Variants in MINDY2 observed in about 807,000 individuals in gnomAD.
MINDY2 encodes ubiquitin carboxyl-terminal hydrolase MINDY-2.
A neutral mutation model predicts 68.2 loss-of-function variants in MINDY2; 52 were observed. The ratio of observed to expected loss-of-function variants is 0.76; its 90% confidence interval spans 0.61 to 0.96. The LOEUF (loss-of-function observed/expected upper bound fraction) is 0.96, where lower values mean the gene tolerates loss of function less well. MINDY2 is among the 40% of genes least tolerant of loss of function. The pLI is 0.00. For synonymous variants in MINDY2, 372 were observed against 303.0 expected (o/e 1.23, Z -2.36); for missense variants, 881 against 773.4 (o/e 1.14, Z -1.65).
At chr15:58,781,337 C>T (rs1901129306) in intron 1 of MINDY2, among the ~76,000 whole-genome samples, 1 of 151,900 alleles carries the variant, frequency 6.6e-6, no homozygotes, top group East Asian at 2.0e-4. Flanking sequence ...CAGGCATGAG[C>T]CACCGCACCC....
chr15:58,838,264 G>A (rs1364472477), intron 6 of MINDY2, among the ~76,000 whole-genome samples: 1 of 151,934 alleles, frequency 6.6e-6, no homozygotes, highest in East Asian at 1.9e-4. Flanking sequence ...TGGGCATGGT[G>A]GTGTGTGCCC....
rs370944697 is a variant in MINDY2, at chr15:58,840,617, CTATT to C, written c.1369-6673_1369-6670del. Among the ~76,000 whole-genome samples, 4 of 145,594 alleles carry C rather than the reference CTATT, an allele frequency of 2.7e-5. No individual in the cohort carries two copies. In the East Asian group the frequency reaches 6.0e-4, roughly 22 times the overall value. ...CTTTGTGAAATACACATTGACCTCA[CTATT>C]TATTTACTTATTATTATTATTATTA... is the stretch of plus-strand genomic sequence containing the variant. On this transcript the variant is annotated intron_variant, in intron 6 of 8. Coordinates refer to ENST00000559228, the MANE Select transcript of MINDY2 (RefSeq NM_001040450.3).
At chr15:58,830,670 T>C (rs1328229380) in intron 5 of MINDY2, among the ~76,000 whole-genome samples, 2 of 152,206 alleles carry the variant, frequency 1.3e-5, no homozygotes, top group African/African-American at 4.8e-5. Flanking sequence ...TACTGAATGC[T>C]AGCCAGCACT....
intron 4 of MINDY2, among the ~76,000 whole-genome samples, chr15:58,812,386 G>A (rs1345682666): frequency 1.3e-5 from 2 of 150,344 alleles, no homozygotes; most frequent in African/African-American, 2.5e-5. Context: ...GCAGTGAGCC[G>A]AGATGGTGCC....
intron 1 of MINDY2, 112 bp from the exon 2 acceptor site, chr15:58,787,794 T>A: frequency 1.8e-6 from 1 of 553,198 alleles, no homozygotes; most frequent in Admixed American, 3.8e-5. Context: ...AATGTTAATG[T>A]ATAAGTATAG....
chr15:58,845,109 A>C (rs112108726), intron 6 of MINDY2, among the ~76,000 whole-genome samples: 4,445 of 152,052 alleles, frequency 0.029, 93 homozygotes, highest in Middle Eastern at 0.044. Flanking sequence ...TTCTCCAAAG[A>C]AGTCATGCAA....
rs752096657 is a variant in MINDY2, at chr15:58,771,415, G to T, written c.20G>T (p.Ser7Ile). 6.2e-7 allele frequency: 1 copy of T among 1,611,040 alleles called. No individual in the cohort carries two copies. The highest frequency in any genetic ancestry group is 8.5e-7 in the Non-Finnish European group (1 of 1,179,304). MESSPE[S>I]LQPLEHGVAA... ...CCCGGTATGGAGAGCAGCCCCGAGA[G>T]CCTGCAGCCGCTAGAACACGGGGTG... The change falls in exon 1 of 9, where the codon AGC becomes ATC. Residue 7 changes from serine (S) to isoleucine (I), a missense_variant. Transcript: ENST00000559228.
At chr15:58,830,009 T>C (rs1379449295) in intron 5 of MINDY2, among the ~76,000 whole-genome samples, 1 of 152,244 alleles carries the variant, frequency 6.6e-6, no homozygotes, top group South Asian at 2.1e-4. Context: ...AGATCACTTA[T>C]GAAACTTTTT....
At position 58,786,860 on chromosome 15, in the gene MINDY2, A is replaced by G. The variant is rs144441185; in HGVS notation, c.841-1046A>G. ...TTATTTTTTATTGAGATGGAGTTTCACTCTTGTCACCCAGGCTGGAGTGCA... is the reference window on the plus strand; with the variant it reads ...TTATTTTTTATTGAGATGGAGTTTCGCTCTTGTCACCCAGGCTGGAGTGCA... On this transcript the variant is annotated intron_variant, in intron 1 of 8. Coordinates refer to ENST00000559228, the MANE Select transcript of MINDY2 (RefSeq NM_001040450.3). 8.6e-5 allele frequency among the ~76,000 whole-genome samples: 13 copies of G among 151,956 alleles called. No homozygotes were observed. In the East Asian group the frequency reaches 2.5e-3, roughly 29 times the overall value.
intron 6 of MINDY2, among the ~76,000 whole-genome samples, chr15:58,843,823 ACT>A (rs1287527343): frequency 2.2e-5 from 2 of 92,796 alleles, no homozygotes; most frequent in Non-Finnish European, 4.2e-5. Context: ...ACAGAGTGAG[ACT>A]CTGTCTCAAA....
At chr15:58,818,494 C>G (rs770637235) in intron 4 of MINDY2, among the ~76,000 whole-genome samples, 1 of 151,970 alleles carries the variant, frequency 6.6e-6, no homozygotes, top group Non-Finnish European at 1.5e-5. Context: ...GGACTGAAGC[C>G]GTCCTCCCCT....
rs2033154360 is a variant in MINDY2 at position 58,859,432 on chromosome 15, T to C, written c.*4822T>C. 6.6e-6 allele frequency: 1 copy of C among 152,172 alleles called. No individual in the cohort carries two copies. Among genetic ancestry groups the C allele is most frequent in the Admixed American group, 6.5e-5 (1 of 15,268 alleles). 9.4% of individuals were successfully genotyped at this position (152,172 alleles called of 1,614,324 possible). On this transcript the variant is annotated 3_prime_UTR_variant, in exon 9 of 9. Transcript: ENST00000559228. The stretch of plus-strand genomic sequence containing the variant: ...TTTAGTGTAAAATGTTATTTGATAA[T>C]GTGAAGTTAAATCCCTTTTAGAAAG...
chr15:58,799,363 C>T (rs529910599), intron 2 of MINDY2, among the ~76,000 whole-genome samples: 2 of 152,072 alleles, frequency 1.3e-5, no homozygotes, highest in Non-Finnish European at 1.5e-5. Flanking sequence ...GTCGGGAGAT[C>T]GAGACCATCC....
intron 6 of MINDY2, among the ~76,000 whole-genome samples, chr15:58,840,154 T>G (rs528011366): frequency 1.3e-5 from 2 of 152,124 alleles, no homozygotes; most frequent in South Asian, 4.2e-4. Flanking sequence ...TTTACATACT[T>G]TTTTAAGCCT....
chr15:58,788,699 A>C (rs982786169), intron 2 of MINDY2, among the ~76,000 whole-genome samples: 2 of 152,160 alleles, frequency 1.3e-5, no homozygotes, highest in Non-Finnish European at 1.5e-5. Flanking sequence ...CATATTCTAC[A>C]GTTTTTTCAG....
chr15:58,797,081 G>A (rs1292235574), intron 2 of MINDY2, among the ~76,000 whole-genome samples: 1 of 152,166 alleles, frequency 6.6e-6, no homozygotes, highest in Non-Finnish European at 1.5e-5. Context: ...AATGTGGCCA[G>A]TGTGAATTGA....
chr15:58,816,235 T>A (rs2030678546), intron 4 of MINDY2, among the ~76,000 whole-genome samples: 1 of 152,178 alleles, frequency 6.6e-6, no homozygotes, highest in South Asian at 2.1e-4. Flanking sequence ...GAAGGATGGC[T>A]TACTATAAGC....
At chr15:58,783,964 T>C (rs955944818) in intron 1 of MINDY2, among the ~76,000 whole-genome samples, 4 of 152,102 alleles carry the variant, frequency 2.6e-5, no homozygotes, top group Admixed American at 6.6e-5. Flanking sequence ...TTTTACCTTA[T>C]AATGGAATAT....
Position 58,854,703 on chromosome 15 carries a change from T to G in MINDY2, c.*93T>G. ...AAAACCGATCAATACCGTCTGTGCCTGATTTCCTAATGGATTTTGTTCGTT... is the reference window on the plus strand; with the variant it reads ...AAAACCGATCAATACCGTCTGTGCCGGATTTCCTAATGGATTTTGTTCGTT... On this transcript the variant is annotated 3_prime_UTR_variant, in exon 9 of 9. Transcript: ENST00000559228. The G allele has an allele frequency of 2.1e-6, 3 of 1,405,160 alleles. No individual in the cohort carries two copies. The highest frequency in any genetic ancestry group is 2.8e-6 in the Non-Finnish European group (3 of 1,057,648). The allele number at this position is 1,405,160 out of a possible 1,614,324, so 87.0% of individuals were successfully genotyped here.
Sources: gnomAD v4.1 joint callset for allele counts (sites outside exome capture counted in the v4.1 genomes callset) on GRCh38, gnomAD v4.1.1 for gene constraint, MANE v1.5 for transcripts, NCBI Gene and HGNC (gene_info 2026-07-23, HGNC 2026-07-21) for gene names.